The following CXCL9 variants were observed in gnomAD, a reference collection of about 807,000 sequenced individuals.
CXCL9 encodes the protein C-X-C motif chemokine 9.
A neutral mutation model predicts 11.7 loss-of-function variants in CXCL9; 8 were observed. That is an observed-to-expected ratio of 0.68 (90% CI 0.40 to 1.23). The LOEUF (loss-of-function observed/expected upper bound fraction) is 1.23. Among genes scored for constraint, CXCL9 ranks in the 50% most tolerant of loss-of-function variants. CXCL9 has a pLI of 0.01. For synonymous variants in CXCL9, 43 were observed against 48.2 expected, an observed-to-expected ratio of 0.89 and a Z score of 0.45; for missense variants, 133 against 141.7, an observed-to-expected ratio of 0.94 and a Z score of 0.31.
In CXCL9 at chr4:76,003,601, T is replaced by C. The variant is rs138184008; in HGVS notation, c.375A>G (p.Thr125=). The C allele has an allele frequency of 1.3e-3, 1,974 of 1,560,078 alleles. 3 individuals are homozygous for C. Among genetic ancestry groups the C allele is most frequent in the Admixed American group, 3.1e-3 (188 of 59,708 alleles). Residue 125 remains threonine (T), a synonymous_variant, in exon 4 of 4, where the codon ACA becomes ACG. Transcript: ENST00000264888. The part of the protein sequence containing the change: ...KSQRSRQKKT[T] ...TACTTATTGGTGAAGTGGTCTCTTA[T>C]GTAGTCTTCTTTTGACGAGAACGTT...
intron 2 of CXCL9, chr4:76,005,204 G>A (rs1321846334): frequency 2.1e-5 from 4 of 186,254 alleles, no homozygotes; most frequent in East Asian, 2.9e-4. Context: ...GCGCCACCAC[G>A]CCCAGCTAAT....
intron 2 of CXCL9, 23 bp from the exon 3 acceptor site, chr4:76,004,916 A>G: frequency 2.0e-6 from 3 of 1,520,046 alleles, no homozygotes; most frequent in Non-Finnish European, 2.6e-6. Context: ...TAGCAATGAG[A>G]TAGTTTTTTC....
At chr4:76,004,963 G>T in intron 2 of CXCL9, 70 bp from the exon 3 acceptor site, 2 of 1,471,372 alleles carry the variant, frequency 1.4e-6, no homozygotes, top group East Asian at 2.5e-5. Context: ...CAGAAATAAT[G>T]AAAATCAGTA....
intron 3 of CXCL9, among the ~76,000 whole-genome samples, chr4:76,004,356 CA>C (rs1412179709): frequency 2.6e-5 from 4 of 152,192 alleles, no homozygotes; most frequent in Non-Finnish European, 5.9e-5. Context: ...TATCACCTGA[CA>C]TGAGAAATCT....
intron 1 of CXCL9, 125 bp downstream of exon 1, chr4:76,007,261 G>T: frequency 1.4e-6 from 1 of 720,558 alleles, no homozygotes; most frequent in Non-Finnish European, 2.5e-6. Flanking sequence ...TCACTGAGAA[G>T]CTTTTATGAC....
intron 3 of CXCL9, among the ~76,000 whole-genome samples, chr4:76,004,574 AG>A (rs1318904162): frequency 6.6e-6 from 1 of 152,234 alleles, no homozygotes; most frequent in Non-Finnish European, 1.5e-5. Context: ...GTATTAAATA[AG>A]GACAAGCTCT....
intron 2 of CXCL9, chr4:76,005,376 ACTGT>A (rs1161285699): frequency 3.9e-5 from 6 of 152,322 alleles, no homozygotes; most frequent in African/African-American, 1.4e-4. Context: ...CTTACAGTAG[ACTGT>A]CTGGAAATAA....
In CXCL9 at chr4:76,001,592, GTAT is replaced by G. The variant is rs1223023893; in HGVS notation, c.*2003_*2005del. ...TTATTTGCTTTGAGAGTGTATGCAT[GTAT>G]GTATATATATGATAAATGATTATAA... On this transcript the variant is annotated 3_prime_UTR_variant, in exon 4 of 4. Coordinates refer to ENST00000264888, the MANE Select transcript of CXCL9 (RefSeq NM_002416.3). The G allele has an allele frequency of 3.9e-5, 6 of 152,188 alleles. No homozygotes were observed. The highest frequency in any genetic ancestry group is 1.4e-4 in the African/African-American group (6 of 41,452). The allele number at this position is 152,188 out of a possible 1,614,324, so 9.4% of individuals were successfully genotyped here. A position where few individuals can be genotyped will look rare whatever the true frequency, so the allele number is the denominator to read the frequency against.
intron 1 of CXCL9, 47 bp downstream of exon 1, chr4:76,007,339 C>A: frequency 1.0e-6 from 1 of 1,001,640 alleles, no homozygotes; most frequent in Non-Finnish European, 1.6e-6. Context: ...GATTCTTTTA[C>A]AGTGAATCAC....
intron 1 of CXCL9, among the ~76,000 whole-genome samples, chr4:76,006,829 C>G (rs377477615): frequency 1.2e-4 from 18 of 152,158 alleles, no homozygotes; most frequent in African/African-American, 4.3e-4. Context: ...TTTTTGAAAA[C>G]CCCTTAAAAT....
At chr4:76,004,467 G>T (rs1046339226) in intron 3 of CXCL9, among the ~76,000 whole-genome samples, 7 of 152,036 alleles carry the variant, frequency 4.6e-5, no homozygotes, top group African/African-American at 1.7e-4. Context: ...TTCTCACATT[G>T]TACCATAATT....
chr4:76,004,423 T>C (rs1578166815), intron 3 of CXCL9, among the ~76,000 whole-genome samples: 1 of 152,226 alleles, frequency 6.6e-6, no homozygotes, highest in Non-Finnish European at 1.5e-5. Context: ...CTCCCTCCTC[T>C]ATGTCGTCAA....
chr4:76,006,304 A>G (rs1311710749), intron 1 of CXCL9, 30 bp from the exon 2 acceptor site: 3 of 1,596,326 alleles, frequency 1.9e-6, no homozygotes, highest in African/African-American at 1.3e-5. Flanking sequence ...AGAACACATC[A>G]GTATAGGCCA....
In CXCL9 at chr4:76,003,390, C is replaced by T. The variant is rs1469704649; in HGVS notation, c.*208G>A. Reference sequence around the variant, plus strand: ...ATTCAACTGGTGGGTGGTAGAAGAACAAAGACAATCATAGCCTTTAACAAT... The same window carrying T: ...ATTCAACTGGTGGGTGGTAGAAGAATAAAGACAATCATAGCCTTTAACAAT... On this transcript the variant is annotated 3_prime_UTR_variant, in exon 4 of 4. Coordinates refer to ENST00000264888, the MANE Select transcript of CXCL9 (RefSeq NM_002416.3). 1 of 514,668 alleles carries T rather than the reference C, an allele frequency of 1.9e-6. No individual in the cohort carries two copies. Among genetic ancestry groups the T allele is most frequent in the Non-Finnish European group, 3.4e-6 (1 of 293,144 alleles). 31.9% of individuals were successfully genotyped at this position (514,668 alleles called of 1,614,324 possible). A position where few individuals can be genotyped will look rare whatever the true frequency, so the allele number is the denominator to read the frequency against.
At chr4:76,005,052 T>C in intron 2 of CXCL9, 159 bp from the exon 3 acceptor site, 1 of 1,184,656 alleles carries the variant, frequency 8.4e-7, no homozygotes, top group East Asian at 3.3e-5. Flanking sequence ...GAATTTTTTT[T>C]TTTTTCTTTT....
rs372044153 is a variant in CXCL9, at chr4:76,003,704, G to C, written c.277-5C>G. 4 of 1,535,120 alleles carry C rather than the reference G, an allele frequency of 2.6e-6. No individual in the cohort carries two copies. The highest frequency in any genetic ancestry group is 9.0e-7 in the Non-Finnish European group (1 of 1,112,524). On this transcript the variant is annotated splice_polypyrimidine_tract_variant and splice_region_variant and intron_variant, in intron 3 of 3. Transcript: ENST00000264888. ...TTGCTTTTTCTTTTGGCTGACCTGT[G>C]AGAAGAAGGGGAAAAAGGGCAATGT...
At chr4:76,004,758 C>T (rs757119596) in intron 3 of CXCL9, 51 bp downstream of exon 3, 3 of 1,574,108 alleles carry the variant, frequency 1.9e-6, no homozygotes, top group Admixed American at 4.0e-5. Flanking sequence ...TCTTTGTCTT[C>T]TAAAGTTAAT....
At chr4:76,005,888 G>A (rs1484545466) in intron 2 of CXCL9, 10 of 309,714 alleles carry the variant, frequency 3.2e-5, no homozygotes, top group Middle Eastern at 1.1e-3. Flanking sequence ...AGAATTATGC[G>A]TGATTTTTAT....
chr4:76,003,380 G>T lies in CXCL9; in HGVS notation c.*218C>A, dbSNP rs1731513961. On this transcript the variant is annotated 3_prime_UTR_variant, in exon 4 of 4. Coordinates refer to ENST00000264888, the MANE Select transcript of CXCL9 (RefSeq NM_002416.3). ...GCATGATGAAATTCAACTGGTGGGT[G>T]GTAGAAGAACAAAGACAATCATAGC... 2.0e-6 allele frequency: 1 copy of T among 500,070 alleles called. No homozygotes were observed. The highest frequency in any genetic ancestry group is 3.5e-6 in the Non-Finnish European group (1 of 284,406). 31.0% of individuals were successfully genotyped at this position (500,070 alleles called of 1,614,324 possible).
Sources: allele counts gnomAD v4.1 joint callset (sites outside exome capture counted in the v4.1 genomes callset), GRCh38; gene constraint gnomAD v4.1.1; transcripts MANE v1.5; gene names NCBI Gene and HGNC (gene_info 2026-07-23, HGNC 2026-07-21).